Variants in ZNF292 observed in about 807,000 individuals in gnomAD.
ZNF292 encodes 16 zinc-finger domain protein.
Under a neutral mutation model 217.9 loss-of-function variants are expected in ZNF292, and 26 were observed. The ratio of observed to expected loss-of-function variants is 0.12; its 90% CI spans 0.09 to 0.17. The LOEUF (loss-of-function observed/expected upper bound fraction) is 0.17. Ranked by LOEUF, ZNF292 falls within the 10% of genes least tolerant of loss-of-function variation. The pLI, the probability that ZNF292 is intolerant of heterozygous loss-of-function variation, is 1.00. For synonymous variants in ZNF292, 1,257 were observed against 1,124.1 expected, an observed-to-expected ratio of 1.12 and a Z score of -2.37; for missense variants, 2,904 against 3,175.2, an observed-to-expected ratio of 0.91 and a Z score of 2.05.
chr6:87,240,028 C>G (rs1002744808), intron 5 of ZNF292, among the ~76,000 whole-genome samples: 1 of 151,934 alleles, frequency 6.6e-6, no homozygotes, highest in Non-Finnish European at 1.5e-5. Flanking sequence ...TGTAGCGAGC[C>G]GAGATCAGAC....
chr6:87,204,404 T>A (rs1225213359), intron 1 of ZNF292, among the ~76,000 whole-genome samples: 1 of 152,162 alleles, frequency 6.6e-6, no homozygotes, highest in African/African-American at 2.4e-5. Context: ...TTGAAGGTAG[T>A]GAGGCATTAG....
intron 5 of ZNF292, among the ~76,000 whole-genome samples, chr6:87,238,972 A>C (rs1179815014): frequency 6.6e-6 from 1 of 152,246 alleles, no homozygotes; most frequent in Non-Finnish European, 1.5e-5. Context: ...GACACAGCAC[A>C]TGTTTCAGAG....
intron 1 of ZNF292, among the ~76,000 whole-genome samples, chr6:87,207,787 A>G (rs1004682630): frequency 6.6e-6 from 1 of 152,186 alleles, no homozygotes; most frequent in African/African-American, 2.4e-5. Flanking sequence ...ACATTAGGTT[A>G]TCTATCAATT....
Position 87,259,690 on chromosome 6 carries a change from C to T in ZNF292, c.6061C>T (p.Pro2021Ser). 1 of 1,598,484 alleles carries T rather than the reference C, an allele frequency of 6.3e-7. No individual in the cohort carries two copies. Among genetic ancestry groups the T allele is most frequent in the Non-Finnish European group, 8.5e-7 (1 of 1,172,164 alleles). Residue 2021 changes from proline to serine, a missense_variant, in exon 8 of 8, where the codon CCT (proline) becomes TCT (serine). Coordinates refer to ENST00000369577, the MANE Select transcript of ZNF292 (RefSeq NM_015021.3). ...AGAGGAAAATAAAAAGGAATCTCAGCCTGCTTTAGAATTGAGAGCAGAGAC... is the reference window on the plus strand; with the variant it reads ...AGAGGAAAATAAAAAGGAATCTCAGTCTGCTTTAGAATTGAGAGCAGAGAC... The part of the protein sequence containing the change: ...MTEENKKESQ[P>S]ALELRAETQN...
At chr6:87,168,436 G>A (rs1191170165) in intron 1 of ZNF292, among the ~76,000 whole-genome samples, 7 of 152,170 alleles carry the variant, frequency 4.6e-5, no homozygotes, top group Non-Finnish European at 1.0e-4. Flanking sequence ...CATCCTTATT[G>A]ATGCCTGATA....
chr6:87,202,924 A>G (rs1388589882), intron 1 of ZNF292, among the ~76,000 whole-genome samples: 1 of 152,090 alleles, frequency 6.6e-6, no homozygotes, highest in East Asian at 1.9e-4. Flanking sequence ...TTACAAATTA[A>G]ACTATCTTAG....
Position 87,259,928 on chromosome 6 carries a change from A to G in ZNF292, c.6299A>G (p.Gln2100Arg), listed in dbSNP as rs561861495. 1 of 1,613,678 alleles carries G rather than the reference A, an allele frequency of 6.2e-7. No homozygotes were observed. Among genetic ancestry groups the G allele is most frequent in the African/African-American group, 1.3e-5 (1 of 75,028 alleles). The change falls in exon 8 of 8, where the codon CAA (glutamine) becomes CGA (arginine). Residue 2100 changes from glutamine (Q) to arginine (R), a missense_variant. Physicochemically the swap from Gln to Arg is conservative, Grantham distance 43. This residue lies in a region of ZNF292 where 261 missense variants were observed against 272.8 expected (regional missense o/e 0.96). Transcript: ENST00000369577. ...EEKKRKKPVS[Q>R]SLEFPTRYSP... Reference sequence around the variant, plus strand: ...AAAAAACGAAAGAAGCCAGTTTCCCAATCCCTTGAGTTTCCAACAAGATAC... The same window carrying G: ...AAAAAACGAAAGAAGCCAGTTTCCCGATCCCTTGAGTTTCCAACAAGATAC...
chr6:87,230,779 A>G (rs770343055), intron 4 of ZNF292, among the ~76,000 whole-genome samples: 3 of 151,976 alleles, frequency 2.0e-5, no homozygotes, highest in Admixed American at 6.6e-5. Context: ...GCTCTTTTAC[A>G]TTTTTAATCA....
rs1385145538 is a variant in ZNF292 at position 87,216,155 on chromosome 6, AC to A, written c.323+99del. 4.2e-5 allele frequency: 51 copies of A among 1,208,472 alleles called. No individual in the cohort carries two copies. The African/African-American group carries it at 4.5e-4, about 11-fold the overall frequency. 74.9% of individuals were successfully genotyped at this position (1,208,472 alleles called of 1,614,324 possible). Reference sequence around the variant, plus strand: ...CACACACACACACACACACACACACACAACATTAAATCTCAAGTCTTATAGT... The same window carrying A: ...CACACACACACACACACACACACACAAACATTAAATCTCAAGTCTTATAGT... On this transcript the variant is annotated intron_variant, in intron 2 of 7. Transcript: ENST00000369577.
chr6:87,220,649 T>C (rs1773035073), intron 4 of ZNF292, among the ~76,000 whole-genome samples: 1 of 152,240 alleles, frequency 6.6e-6, no homozygotes, highest in Admixed American at 6.5e-5. Flanking sequence ...AAAAGGAACC[T>C]TTATCCTAGC....
intron 1 of ZNF292, among the ~76,000 whole-genome samples, chr6:87,179,764 CTG>C (rs1771414812): frequency 6.6e-6 from 1 of 152,080 alleles, no homozygotes; most frequent in South Asian, 2.1e-4. Flanking sequence ...GTTCATAGTG[CTG>C]TGAGTAATGA....
At chr6:87,191,557 AG>A in intron 1 of ZNF292, among the ~76,000 whole-genome samples, 1 of 152,332 alleles carries the variant, frequency 6.6e-6, no homozygotes, top group East Asian at 1.9e-4. Flanking sequence ...GCCTATGTAA[AG>A]TTTTGCATTC....
At chr6:87,202,559 G>A (rs909398365) in intron 1 of ZNF292, among the ~76,000 whole-genome samples, 3 of 151,976 alleles carry the variant, frequency 2.0e-5, no homozygotes, top group Non-Finnish European at 4.4e-5. Context: ...AGGCATTTTT[G>A]TTTTGTTTTC....
chr6:87,225,776 A>T (rs552938150), intron 4 of ZNF292, among the ~76,000 whole-genome samples: 1 of 152,276 alleles, frequency 6.6e-6, no homozygotes, highest in African/African-American at 2.4e-5. Context: ...CTACTCTTAA[A>T]TCTTAAGCTT....
chr6:87,196,040 A>AC (rs1771946147), intron 1 of ZNF292, among the ~76,000 whole-genome samples: 1 of 151,722 alleles, frequency 6.6e-6, no homozygotes, highest in African/African-American at 2.4e-5. Flanking sequence ...AAAAAAAAAA[A>AC]CAAAAAGAAA....
At chr6:87,171,265 G>C (rs1452801465) in intron 1 of ZNF292, among the ~76,000 whole-genome samples, 3 of 152,102 alleles carry the variant, frequency 2.0e-5, no homozygotes, top group African/African-American at 7.2e-5. Flanking sequence ...TTTTAAACTA[G>C]AATTTGAGAG....
Position 87,256,807 on chromosome 6 carries a change from C to T in ZNF292, c.3178C>T (p.Leu1060Phe), listed in dbSNP as rs373123946. 6.2e-7 allele frequency: 1 copy of T among 1,613,376 alleles called. No individual in the cohort carries two copies. Among genetic ancestry groups the T allele is most frequent in the African/African-American group, 1.3e-5 (1 of 74,918 alleles). Residue 1060 changes from leucine to phenylalanine, a missense_variant, in exon 8 of 8, where the codon CTT (leucine) becomes TTT (phenylalanine). This residue lies in a region of ZNF292 where 687 missense variants were observed against 623.0 expected (regional missense o/e 1.10). Transcript: ENST00000369577. ...AGATAATGTTAAAACATCATCCAAT[C>T]TTTATAATTTACCTCTTAAGACATT... ...CGDNVKTSSN[L>F]YNLPLKTLES...
chr6:87,257,989 C>G lies in ZNF292; in HGVS notation c.4360C>G (p.Leu1454Val). The part of the protein sequence containing the change: ...PEACFKDPSF[L>V]QLLAENRSPA... ...AGCATGTTTTAAAGATCCATCATTT[C>G]TACAGCTTCTTGCTGAAAATCGCTC... Residue 1454 changes from leucine to valine, a missense_variant, in exon 8 of 8, where the codon CTA (leucine) becomes GTA (valine). Transcript: ENST00000369577. The G allele has an allele frequency of 6.2e-7, 1 of 1,613,940 alleles. No individual in the cohort carries two copies. Among genetic ancestry groups the G allele is most frequent in the Non-Finnish European group, 8.5e-7 (1 of 1,179,834 alleles).
intron 7 of ZNF292, among the ~76,000 whole-genome samples, chr6:87,251,242 A>G (rs747245458): frequency 1.8e-4 from 28 of 152,234 alleles, no homozygotes; most frequent in African/African-American, 4.8e-5. Context: ...CGTATTCCAC[A>G]CTAAGGTTTA....
Sources: allele counts gnomAD v4.1 joint callset (sites outside exome capture counted in the v4.1 genomes callset), GRCh38; gene constraint gnomAD v4.1.1; regional missense constraint gnomAD v4.1.1; transcripts MANE v1.5; gene names NCBI Gene and HGNC (gene_info 2026-07-23, HGNC 2026-07-21).